Variants in ZNF546 observed in about 807,000 individuals in gnomAD.
ZNF546 encodes CTC-471F3.6.
ZNF546 carries 60 observed loss-of-function variants against 76.2 expected under a neutral mutation model. The ratio of observed to expected loss-of-function variants is 0.79; its 90% confidence interval spans 0.64 to 0.98. The LOEUF is 0.98. ZNF546 is among the 50% of genes least tolerant of loss of function. The pLI is 0.00. For missense variants in ZNF546, 936 were observed against 1,035.6 expected (o/e 0.90, Z 1.32); for synonymous variants, 277 against 328.1 (o/e 0.84, Z 1.68).
Position 40,019,965 on chromosome 19 carries a change from T to C in ZNF546, c.*4184T>C, listed in dbSNP as rs1971833494. The stretch of plus-strand genomic sequence containing the variant: ...AATGCTTAACACTGAGCACAATTTT[T>C]CACATATTTGAAATCAAGGTGTATC... On this transcript the variant is annotated 3_prime_UTR_variant, in exon 7 of 7. Coordinates refer to ENST00000347077, the MANE Select transcript of ZNF546 (RefSeq NM_178544.5). 6.6e-6 allele frequency: 1 copy of C among 152,172 alleles called. No homozygotes were observed. Among genetic ancestry groups the C allele is most frequent in the African/African-American group, 2.4e-5 (1 of 41,458 alleles). The allele number at this position is 152,172 out of a possible 1,614,324, so 9.4% of individuals were successfully genotyped here. A position where few individuals can be genotyped will look rare whatever the true frequency, so the allele number is the denominator to read the frequency against.
intron 6 of ZNF546, among the ~76,000 whole-genome samples, chr19:40,013,425 C>T (rs1971696746): frequency 6.6e-6 from 1 of 152,162 alleles, no homozygotes; most frequent in Admixed American, 6.5e-5. Flanking sequence ...GCTGTAATAA[C>T]AGAGCTAAGT....
chr19:40,003,810 G>A (rs989233314), intron 3 of ZNF546, among the ~76,000 whole-genome samples: 3 of 151,852 alleles, frequency 2.0e-5, no homozygotes, highest in South Asian at 2.1e-4. Context: ...TCAGGAGTTC[G>A]AAACCAGCCT....
chr19:40,014,234 A>C lies in ZNF546; in HGVS notation c.964A>C (p.Ile322Leu). 6.2e-7 allele frequency: 1 copy of C among 1,613,576 alleles called. No homozygotes were observed. The highest frequency in any genetic ancestry group is 8.5e-7 in the Non-Finnish European group (1 of 1,179,554). The change falls in exon 7 of 7, where the codon ATT becomes CTT. Residue 322 changes from isoleucine (I) to leucine (L), a missense_variant. Transcript: ENST00000347077. Reference protein sequence around the residue: ...RVRDLRVHQTIHAGERPYECK... With the variant: ...RVRDLRVHQTLHAGERPYECK... ...TAGAGACCTTAGAGTACATCAGACA[A>C]TTCATGCTGGAGAGAGACCTTATGA...
Position 39,998,272 on chromosome 19 carries a change from T to C in ZNF546, c.-55T>C, listed in dbSNP as rs754224847. ...GGAAATGGAAACATTGCTTTGCTTT[T>C]CCTGAATTGTCCAGTGACCTATCCC... On this transcript the variant is annotated 5_prime_UTR_variant, in exon 3 of 7. Coordinates refer to ENST00000347077, the MANE Select transcript of ZNF546 (RefSeq NM_178544.5). 415 of 1,367,434 alleles carry C rather than the reference T, an allele frequency of 3.0e-4. No homozygotes were observed. Among genetic ancestry groups the C allele is most frequent in the Non-Finnish European group, 4.0e-4 (387 of 967,882 alleles). 84.7% of individuals were successfully genotyped at this position (1,367,434 alleles called of 1,614,324 possible). A position where few individuals can be genotyped will look rare whatever the true frequency, so the allele number is the denominator to read the frequency against.
At position 40,020,689 on chromosome 19, in the gene ZNF546, C is replaced by T. The variant is rs147472311; in HGVS notation, c.*4908C>T. The T allele has an allele frequency of 3.9e-3, 596 of 152,204 alleles. 3 individuals are homozygous for T. The highest frequency in any genetic ancestry group is 0.014 in the African/African-American group (571 of 41,522). 9.4% of individuals were successfully genotyped at this position (152,204 alleles called of 1,614,324 possible). On this transcript the variant is annotated 3_prime_UTR_variant, in exon 7 of 7. Transcript: ENST00000347077. ...TTAATTTTATCTAGTGCATGATAAA[C>T]TTTACTAAGGAAGTCTCATTCAGAA...
chr19:40,007,479 T>C, intron 5 of ZNF546, 79 bp downstream of exon 5: 1 of 1,364,450 alleles, frequency 7.3e-7, no homozygotes, highest in Non-Finnish European at 9.6e-7. Context: ...TAGAACTCTG[T>C]TTTAAGAGGC....
chr19:40,010,240 T>TA (rs1231494098), intron 6 of ZNF546, among the ~76,000 whole-genome samples: 1 of 151,970 alleles, frequency 6.6e-6, no homozygotes, highest in Non-Finnish European at 1.5e-5. Context: ...TCATCTTTAC[T>TA]AAAAATACAA....
rs959554342 is a variant in ZNF546, at chr19:39,998,334, T to G, written c.8T>G (p.Val3Gly). The part of the protein sequence containing the change: MQ[V>G]DPPLHGPPND... ...TCCAGTGAACAATGGACCATGCAGG[T>G]GGACCCTCCTCTTCACGGGCCTCCA... Residue 3 changes from valine (V) to glycine (G), a missense_variant, in exon 3 of 7, where the codon GTG (valine) becomes GGG (glycine). Val to Gly is a moderately radical substitution (Grantham distance 109). Transcript: ENST00000347077. The G allele has an allele frequency of 6.2e-7, 1 of 1,614,116 alleles. No individual in the cohort carries two copies. The highest frequency in any genetic ancestry group is 8.5e-7 in the Non-Finnish European group (1 of 1,179,948).
chr19:40,015,522 G>T lies in ZNF546; in HGVS notation c.2252G>T (p.Cys751Phe), dbSNP rs776915820. 2 of 1,614,142 alleles carry T rather than the reference G, an allele frequency of 1.2e-6. No individual in the cohort carries two copies. Among genetic ancestry groups the T allele is most frequent in the Non-Finnish European group, 8.5e-7 (1 of 1,180,030 alleles). The change falls in exon 7 of 7, where the codon TGT becomes TTT. Residue 751 changes from cysteine to phenylalanine, a missense_variant. Cys to Phe is a radical substitution (Grantham distance 205, BLOSUM62 -2). Coordinates refer to ENST00000347077, the MANE Select transcript of ZNF546 (RefSeq NM_178544.5). ...RLHTGEKPYS[C>F]KECGNAFRLQ... is the part of the protein sequence containing the mutation. ...CATACTGGTGAGAAACCTTATAGCT[G>T]TAAAGAATGTGGGAATGCCTTTCGT...
At chr19:39,999,224 A>G (rs1352851158) in intron 3 of ZNF546, among the ~76,000 whole-genome samples, 1 of 152,248 alleles carries the variant, frequency 6.6e-6, no homozygotes, top group Non-Finnish European at 1.5e-5. Flanking sequence ...AAATTTTCTT[A>G]TTCAGTCTGC....
intron 5 of ZNF546, 102 bp downstream of exon 5, chr19:40,007,502 C>A: frequency 1.6e-6 from 2 of 1,231,288 alleles, no homozygotes; most frequent in Non-Finnish European, 1.1e-6. Context: ...ACTGACACCC[C>A]TATTTCTAAA....
At position 40,014,691 on chromosome 19, in the gene ZNF546, G is replaced by A. The variant is rs759907944; in HGVS notation, c.1421G>A (p.Cys474Tyr). 1.9e-6 allele frequency: 3 copies of A among 1,614,100 alleles called. No individual in the cohort carries two copies. Among genetic ancestry groups the A allele is most frequent in the Non-Finnish European group, 1.7e-6 (2 of 1,180,020 alleles). Residue 474 changes from cysteine to tyrosine, a missense_variant, in exon 7 of 7, where the codon TGT becomes TAT. Physicochemically the swap from Cys to Tyr is radical, Grantham distance 194. Transcript: ENST00000347077. ...TGEKPYECKE[C>Y]GKAFICGYQL... is the part of the protein sequence containing the mutation. Reference sequence around the variant, plus strand: ...GAGAAACCCTATGAATGTAAGGAATGTGGGAAGGCCTTTATTTGTGGTTAT... The same window carrying A: ...GAGAAACCCTATGAATGTAAGGAATATGGGAAGGCCTTTATTTGTGGTTAT...
At chr19:40,012,304 A>T (rs2144648390) in intron 6 of ZNF546, among the ~76,000 whole-genome samples, 2 of 152,338 alleles carry the variant, frequency 1.3e-5, no homozygotes, top group South Asian at 4.1e-4. Flanking sequence ...TTTTCCATTT[A>T]TACTTTTGAT....
chr19:40,002,293 GATAA>G (rs1363861126), intron 3 of ZNF546, among the ~76,000 whole-genome samples: 9 of 152,152 alleles, frequency 5.9e-5, no homozygotes, highest in African/African-American at 2.2e-4. Flanking sequence ...GTTGTTATAT[GATAA>G]ATGTCTTATG....
chr19:40,000,748 G>T (rs1316718575), intron 3 of ZNF546, among the ~76,000 whole-genome samples: 1 of 151,928 alleles, frequency 6.6e-6, no homozygotes, highest in Non-Finnish European at 1.5e-5. Flanking sequence ...TCTATTGAAT[G>T]CCTTATTACA....
Position 40,013,640 on chromosome 19 carries a change from C to CTTTTTT in ZNF546, c.395-10_395-5dup, listed in dbSNP as rs546130223. 31 of 1,092,170 alleles carry CTTTTTT rather than the reference C, an allele frequency of 2.8e-5. 1 individual carries two copies. Among genetic ancestry groups the CTTTTTT allele is most frequent in the East Asian group, 9.3e-5 (3 of 32,184 alleles). 67.7% of individuals were successfully genotyped at this position (1,092,170 alleles called of 1,614,324 possible). On this transcript the variant is annotated intron_variant, in intron 6 of 6. Coordinates refer to ENST00000347077, the MANE Select transcript of ZNF546 (RefSeq NM_178544.5). ...CATTATAGCATTTGTTTACTCTTTG[C>CTTTTTT]TTTTTTTTTTTTTTTTTTTTGCAGA...
intron 6 of ZNF546, among the ~76,000 whole-genome samples, chr19:40,012,542 A>G (rs781240162): frequency 1.3e-5 from 2 of 152,174 alleles, no homozygotes; most frequent in African/African-American, 4.8e-5. Context: ...AGGGGTTTTT[A>G]TCAATGGTAA....
intron 4 of ZNF546, 81 bp downstream of exon 4, chr19:40,006,263 C>A: frequency 7.8e-7 from 1 of 1,277,530 alleles, no homozygotes. Context: ...TTGAGACTTC[C>A]TTCCTAAGAC....
rs1280250235 is a variant in ZNF546, at chr19:40,015,713, A to C, written c.2443A>C (p.Ile815Leu). ...YQCKECGKAF[I>L]RSDQLTLHQR... The stretch of plus-strand genomic sequence containing the variant: ...ATGTAAAGAATGTGGAAAAGCCTTT[A>C]TTCGTAGTGATCAACTTACTTTACA... The change falls in exon 7 of 7, where the codon ATT (isoleucine) becomes CTT (leucine). Residue 815 changes from isoleucine (I) to leucine (L), a missense_variant. By Grantham distance (5) the Ile-to-Leu change is conservative. Transcript: ENST00000347077. 3 of 1,614,008 alleles carry C rather than the reference A, an allele frequency of 1.9e-6. No individual in the cohort carries two copies. The highest frequency in any genetic ancestry group is 1.7e-6 in the Non-Finnish European group (2 of 1,179,958).
Sources: gnomAD v4.1 joint callset for allele counts (sites outside exome capture counted in the v4.1 genomes callset) on GRCh38, gnomAD v4.1.1 for gene constraint, MANE v1.5 for transcripts, NCBI Gene and HGNC (gene_info 2026-07-23, HGNC 2026-07-21) for gene names.